The following COLEC10 variants were observed in gnomAD, a reference collection of about 807,000 sequenced individuals.
The protein encoded by COLEC10 is collectin subfamily member 10.
In COLEC10, 22 loss-of-function variants were observed where a neutral mutation model predicts 28.4. The observed-to-expected ratio is 0.78, with a 90% confidence interval of 0.55 to 1.11. The LOEUF is 1.11. Among genes scored for constraint, COLEC10 ranks in the 50% least tolerant of loss-of-function variants. The pLI, the probability that COLEC10 is intolerant of heterozygous loss-of-function variation, is 0.00. For synonymous variants in COLEC10, 125 were observed against 116.1 expected (o/e 1.08, Z -0.49); for missense variants, 361 against 344.1 (o/e 1.05, Z -0.39).
chr8:119,008,191 A>G (rs1284238971), intron 1 of COLEC10, among the ~76,000 whole-genome samples: 1 of 150,888 alleles, frequency 6.6e-6, no homozygotes, highest in African/African-American at 2.5e-5. Context: ...TAATTTTTTC[A>G]AACTGAGAAC....
intron 2 of COLEC10, among the ~76,000 whole-genome samples, chr8:119,044,315 T>C (rs1057068515): frequency 6.6e-6 from 1 of 152,180 alleles, no homozygotes; most frequent in Non-Finnish European, 1.5e-5. Context: ...ATACAAACTC[T>C]GTCACAAAAG....
intron 2 of COLEC10, among the ~76,000 whole-genome samples, chr8:119,057,808 A>G (rs999220055): frequency 1.3e-5 from 2 of 152,086 alleles, no homozygotes; most frequent in Admixed American, 1.3e-4. Context: ...TATATAATTA[A>G]TCACAGAACA....
chr8:119,028,496 A>C (rs1008979086), intron 2 of COLEC10, among the ~76,000 whole-genome samples: 7 of 152,162 alleles, frequency 4.6e-5, no homozygotes, highest in South Asian at 2.1e-4. Flanking sequence ...AGAGAAAATA[A>C]GGAAGAAGCC....
Position 119,102,351 on chromosome 8 carries a change from A to G in COLEC10, c.296A>G (p.Asp99Gly). Residue 99 changes from aspartate to glycine, a missense_variant, in exon 4 of 6, where the codon GAC (aspartate) becomes GGC (glycine). This residue lies in a region of COLEC10 where 335 missense variants were observed against 308.5 expected (regional missense o/e 1.09). Coordinates refer to ENST00000332843, the MANE Select transcript of COLEC10 (RefSeq NM_006438.5). ...GKTGPIGKKG[D>G]KGEKGLLGIP... ...GGTTGCTATTGTTTTTTTTCAGGTG[A>G]CAAAGGGGAAAAAGGTTTGCTTGGA... The G allele has an allele frequency of 1.9e-6, 3 of 1,589,928 alleles. No individual in the cohort carries two copies. Among genetic ancestry groups the G allele is most frequent in the Non-Finnish European group, 2.6e-6 (3 of 1,166,474 alleles).
chr8:118,989,562 C>CAT, the COLEC10 span, among the ~76,000 whole-genome samples: 13 of 146,986 alleles, frequency 8.8e-5, no homozygotes, highest in African/African-American at 3.2e-4. Flanking sequence ...CACACACACA[C>CAT]ACACACACAC....
upstream of COLEC10, among the ~76,000 whole-genome samples, chr8:118,990,791 C>T (rs149919376): frequency 4.6e-5 from 7 of 151,944 alleles, no homozygotes; most frequent in Non-Finnish European, 7.4e-5. Context: ...ATGTCAGCCA[C>T]GTATGATTTA....
the COLEC10 span, among the ~76,000 whole-genome samples, chr8:118,978,899 C>T: frequency 1.3e-5 from 2 of 151,992 alleles, no homozygotes; most frequent in Admixed American, 1.3e-4. Flanking sequence ...ATTTTTAAAA[C>T]TATGAATTTG....
chr8:119,031,988 T>C (rs941285281), intron 2 of COLEC10, among the ~76,000 whole-genome samples: 2 of 152,162 alleles, frequency 1.3e-5, no homozygotes, highest in Non-Finnish European at 2.9e-5. Flanking sequence ...CATTTAAGCT[T>C]CACCAAAAAA....
At chr8:119,099,668 T>C (rs188079656) in intron 3 of COLEC10, among the ~76,000 whole-genome samples, 31 of 152,182 alleles carry the variant, frequency 2.0e-4, no homozygotes, top group Non-Finnish European at 3.7e-4. Context: ...ACAGAGTTTA[T>C]GTCTTCTCAG....
At chr8:119,004,246 T>C (rs930106138) in intron 1 of COLEC10, among the ~76,000 whole-genome samples, 1 of 151,994 alleles carries the variant, frequency 6.6e-6, no homozygotes, top group Non-Finnish European at 1.5e-5. Context: ...CCCAACCATC[T>C]ATTTTAGCTA....
At chr8:119,102,712 A>G (rs1185506504) in intron 4 of COLEC10, 2 of 272,384 alleles carry the variant, frequency 7.3e-6, no homozygotes, top group Admixed American at 4.9e-5. Context: ...CTGCCTCAGC[A>G]TGCCATGCCT....
At chr8:118,965,364 A>T in the COLEC10 span, among the ~76,000 whole-genome samples, 1 of 152,114 alleles carries the variant, frequency 6.6e-6, no homozygotes, top group South Asian at 2.1e-4. Flanking sequence ...ATGACTGTCA[A>T]ATCTCTTGGC....
chr8:118,982,587 TTC>T, the COLEC10 span: 1 of 193,228 alleles, frequency 5.2e-6, no homozygotes, highest in African/African-American at 2.3e-5. Context: ...ATCTTTTTCC[TTC>T]TGAAAAGCTG....
intron 5 of COLEC10, 35 bp downstream of exon 5, chr8:119,103,930 G>A: frequency 5.3e-6 from 7 of 1,313,640 alleles, no homozygotes; most frequent in Non-Finnish European, 4.4e-6. Context: ...TGTATCTATT[G>A]ATAGATCTCC....
At chr8:119,017,275 C>T (rs76864755) in intron 2 of COLEC10, among the ~76,000 whole-genome samples, 4,399 of 152,222 alleles carry the variant, frequency 0.029, 120 homozygotes, top group East Asian at 0.16. Flanking sequence ...CACTCTACTG[C>T]TGAGTTTGGA....
intron 1 of COLEC10, among the ~76,000 whole-genome samples, chr8:119,074,993 G>A (rs1239434236): frequency 1.3e-5 from 2 of 152,190 alleles, no homozygotes; most frequent in Non-Finnish European, 1.5e-5. Context: ...ACTTGAAGTA[G>A]TCTCAGGGGC....
At chr8:119,087,954 C>T (rs145429177) in intron 1 of COLEC10, among the ~76,000 whole-genome samples, 2 of 152,142 alleles carry the variant, frequency 1.3e-5, no homozygotes, top group East Asian at 3.9e-4. Flanking sequence ...GATGTCAAGT[C>T]CTTAGCTTGT....
intron 2 of COLEC10, among the ~76,000 whole-genome samples, chr8:119,041,075 T>C (rs1470214737): frequency 6.6e-6 from 1 of 152,216 alleles, no homozygotes; most frequent in African/African-American, 2.4e-5. Flanking sequence ...GAAACTTCAC[T>C]TTTACTTTGA....
chr8:118,961,008 T>C, the COLEC10 span, among the ~76,000 whole-genome samples: 1 of 152,164 alleles, frequency 6.6e-6, no homozygotes, highest in Non-Finnish European at 1.5e-5. Flanking sequence ...TGTCATGATA[T>C]CTTTAAGTAG....
Sources: gnomAD v4.1 joint callset for allele counts (sites outside exome capture counted in the v4.1 genomes callset) on GRCh38, gnomAD v4.1.1 for gene constraint, gnomAD v4.1.1 regional missense constraint, MANE v1.5 for transcripts, NCBI Gene and HGNC (gene_info 2026-07-23, HGNC 2026-07-21) for gene names.